Variants in TRPC4 observed in about 807,000 individuals in gnomAD.
TRPC4 encodes the protein short transient receptor potential channel 4.
In TRPC4, 49 loss-of-function variants were observed where a neutral mutation model predicts 99.4. The observed-to-expected ratio is 0.49, with a 90% CI of 0.39 to 0.63. TRPC4 has a LOEUF of 0.63. Ranked by LOEUF, TRPC4 falls within the 20% of genes least tolerant of loss-of-function variation. TRPC4 has a pLI of 0.00. For synonymous variants in TRPC4, 454 were observed against 425.9 expected (o/e 1.07, Z -0.81); for missense variants, 898 against 1,152.9 (o/e 0.78, Z 3.20).
At chr13:37,740,821 A>G (rs904460161) in intron 3 of TRPC4, among the ~76,000 whole-genome samples, 15 of 152,318 alleles carry the variant, frequency 9.8e-5, no homozygotes, top group Non-Finnish European at 1.5e-4. Context: ...TTACCATGCC[A>G]TGGATAGTGT....
intron 1 of TRPC4, among the ~76,000 whole-genome samples, chr13:37,808,828 C>T (rs1183998489): frequency 6.6e-6 from 1 of 152,006 alleles, no homozygotes; most frequent in Non-Finnish European, 1.5e-5. Flanking sequence ...ATTCCAAAGG[C>T]ATTCCTTAAT....
chr13:37,695,548 T>C (rs569287363), intron 3 of TRPC4, among the ~76,000 whole-genome samples: 80 of 152,358 alleles, frequency 5.3e-4, no homozygotes, highest in African/African-American at 1.9e-3. Flanking sequence ...ACAGCCGTTC[T>C]TTCTCTAGAG....
intron 1 of TRPC4, among the ~76,000 whole-genome samples, chr13:37,818,916 G>C (rs181831385): frequency 1.1e-4 from 16 of 151,612 alleles, no homozygotes; most frequent in African/African-American, 3.9e-4. Flanking sequence ...AAACCTGCAC[G>C]TTCTGCATAT....
intron 2 of TRPC4, among the ~76,000 whole-genome samples, chr13:37,753,118 A>G (rs1264815163): frequency 6.6e-6 from 1 of 152,106 alleles, no homozygotes; most frequent in African/African-American, 2.4e-5. Flanking sequence ...TAATCAGAAA[A>G]GGATTTGAGG....
At chr13:37,811,783 T>C (rs1458143438) in intron 1 of TRPC4, among the ~76,000 whole-genome samples, 1 of 152,038 alleles carries the variant, frequency 6.6e-6, no homozygotes, top group Non-Finnish European at 1.5e-5. Context: ...AGCTTTTAGG[T>C]AGACTACACA....
intron 5 of TRPC4, among the ~76,000 whole-genome samples, chr13:37,669,090 A>T (rs1458692972): frequency 6.6e-6 from 1 of 152,198 alleles, no homozygotes; most frequent in South Asian, 2.1e-4. Flanking sequence ...TCTATGAGAC[A>T]TGCAGTTAGA....
At chr13:37,853,441 C>G (rs1959107278) in intron 1 of TRPC4, among the ~76,000 whole-genome samples, 1 of 152,140 alleles carries the variant, frequency 6.6e-6, no homozygotes, top group Admixed American at 6.5e-5. Context: ...AAAGCCTTCT[C>G]AAGAAGGATA....
intron 3 of TRPC4, among the ~76,000 whole-genome samples, chr13:37,697,375 T>C (rs1043420209): frequency 6.6e-6 from 1 of 152,068 alleles, no homozygotes; most frequent in African/African-American, 2.4e-5. Context: ...AAACTGAAAA[T>C]TTAAGAAAGG....
chr13:37,728,221 C>T (rs1363789127), intron 3 of TRPC4, among the ~76,000 whole-genome samples: 2 of 151,172 alleles, frequency 1.3e-5, no homozygotes, highest in African/African-American at 4.8e-5. Context: ...AAAAAAAAGT[C>T]AACACCAGGA....
chr13:37,825,689 C>T (rs1254650607), intron 1 of TRPC4, among the ~76,000 whole-genome samples: 3 of 143,736 alleles, frequency 2.1e-5, no homozygotes, highest in East Asian at 4.3e-4. Flanking sequence ...AGCTTTACTT[C>T]CAAGTATGTG....
At chr13:37,690,074 A>G (rs1039492073) in intron 4 of TRPC4, among the ~76,000 whole-genome samples, 20 of 152,194 alleles carry the variant, frequency 1.3e-4, no homozygotes, top group Non-Finnish European at 2.4e-4. Context: ...GAATTTTTAG[A>G]CATTCAATAT....
chr13:37,696,752 G>A (rs1953916415), intron 3 of TRPC4, among the ~76,000 whole-genome samples: 1 of 152,124 alleles, frequency 6.6e-6, no homozygotes, highest in South Asian at 2.1e-4. Context: ...GGGTATTACT[G>A]TGTATTCTTC....
rs149790248 is a variant in TRPC4 at position 37,632,308 on chromosome 13, C to T, written c.*4595G>A. Reference sequence around the variant, plus strand: ...GAAAAAGAAACATCAAACTCATTTACTTAGTATATTTTAAATCAATACTTC... The same window carrying T: ...GAAAAAGAAACATCAAACTCATTTATTTAGTATATTTTAAATCAATACTTC... On this transcript the variant is annotated 3_prime_UTR_variant, in exon 11 of 11. Transcript: ENST00000379705. 3.3e-4 allele frequency among the ~76,000 whole-genome samples: 51 copies of T among 152,280 alleles called. No homozygotes were observed. The highest frequency in any genetic ancestry group is 9.6e-4 in the African/African-American group (40 of 41,562).
intron 1 of TRPC4, among the ~76,000 whole-genome samples, chr13:37,868,299 T>C (rs1959905254): frequency 6.6e-6 from 1 of 151,270 alleles, no homozygotes; most frequent in Admixed American, 6.6e-5. Context: ...TTGTTTTTTT[T>C]CCCCCCTTAA....
At chr13:37,638,407 CCTG>C (rs1398695417) in intron 10 of TRPC4, among the ~76,000 whole-genome samples, 1 of 152,046 alleles carries the variant, frequency 6.6e-6, no homozygotes, top group Non-Finnish European at 1.5e-5. Context: ...CATGTTCAAA[CCTG>C]CTATTTTCTA....
At position 37,806,201 on chromosome 13, in the gene TRPC4, A is replaced by G. The variant is rs990266309; in HGVS notation, c.-27-22841T>C. Among the ~76,000 whole-genome samples the G allele has an allele frequency of 2.6e-5, 4 of 152,076 alleles. No homozygotes were observed. In the East Asian group the frequency reaches 7.7e-4, roughly 29 times the overall value. On this transcript the variant is annotated intron_variant, in intron 1 of 10. Coordinates refer to ENST00000379705, the MANE Select transcript of TRPC4 (RefSeq NM_016179.4). ...GGAGAAAGTACCAGAGGTGTCAGTC[A>G]TACAAAGTTGCTAGTATATAAGACT... is the stretch of plus-strand genomic sequence containing the variant.
rs534086816 is a variant in TRPC4, at chr13:37,691,253, C to G, written c.1234+746G>C. ...AGTAGCTGGGACTACAGGCGCCCGC[C>G]ACCACGCCCGGCTAATTTCTTTTTG... On this transcript the variant is annotated intron_variant, in intron 4 of 10. Transcript: ENST00000379705. Among the ~76,000 whole-genome samples the G allele has an allele frequency of 2.6e-5, 4 of 152,248 alleles. No individual in the cohort carries two copies. The East Asian group carries it at 5.8e-4, about 22-fold the overall frequency.
chr13:37,771,805 T>C (rs1461225972), intron 2 of TRPC4, among the ~76,000 whole-genome samples: 4 of 151,858 alleles, frequency 2.6e-5, no homozygotes, highest in Non-Finnish European at 4.4e-5. Flanking sequence ...CCAACATTTG[T>C]TAAAGAGGTG....
At chr13:37,682,922 C>CTT (rs35740848) in intron 4 of TRPC4, among the ~76,000 whole-genome samples, 322 of 109,298 alleles carry the variant, frequency 2.9e-3, no homozygotes, top group African/African-American at 8.9e-3. Context: ...GCCCAGCTAT[C>CTT]TTTTTTTTTT....
Sources: allele counts gnomAD v4.1 joint callset (sites outside exome capture counted in the v4.1 genomes callset), GRCh38; gene constraint gnomAD v4.1.1; transcripts MANE v1.5; gene names NCBI Gene and HGNC (gene_info 2026-07-23, HGNC 2026-07-21).